The following ZNRF3 variants were observed in gnomAD, a reference collection of about 807,000 sequenced individuals.
The protein encoded by ZNRF3 is E3 ubiquitin-protein ligase ZNRF3.
A neutral mutation model predicts 72.5 loss-of-function variants in ZNRF3; 23 were observed. That is an observed-to-expected ratio of 0.32 (90% CI 0.23 to 0.45). ZNRF3 has a LOEUF of 0.45. ZNRF3 is among the 20% of genes least tolerant of loss of function. ZNRF3 has a pLI of 1.00. For synonymous variants in ZNRF3, 610 were observed against 545.3 expected (o/e 1.12, Z -1.65); for missense variants, 1,169 against 1,272.1 (o/e 0.92, Z 1.23).
At chr22:28,940,881 G>A (rs2034933357) in intron 1 of ZNRF3, among the ~76,000 whole-genome samples, 1 of 152,094 alleles carries the variant, frequency 6.6e-6, no homozygotes, top group African/African-American at 2.4e-5. Flanking sequence ...TGACCAAAAT[G>A]TTACAGAAAT....
intron 1 of ZNRF3, among the ~76,000 whole-genome samples, chr22:28,897,239 C>T (rs1442151189): frequency 6.6e-6 from 1 of 152,214 alleles, no homozygotes. Context: ...TCATTGTTGC[C>T]TCCGGGCGTG....
intron 1 of ZNRF3, among the ~76,000 whole-genome samples, chr22:28,968,200 T>C (rs2035509713): frequency 1.3e-5 from 2 of 152,350 alleles, no homozygotes; most frequent in South Asian, 4.1e-4. Flanking sequence ...TGTCTTCCAG[T>C]TCACTAATCC....
intron 1 of ZNRF3, among the ~76,000 whole-genome samples, chr22:28,916,369 A>AT (rs149495089): frequency 0.066 from 10,103 of 152,124 alleles, 422 homozygotes; most frequent in East Asian, 0.12. Flanking sequence ...TGAGATTTTT[A>AT]TTTTTTAAAT....
intron 1 of ZNRF3, among the ~76,000 whole-genome samples, chr22:28,926,805 A>T (rs1204115850): frequency 6.6e-6 from 1 of 151,406 alleles, no homozygotes; most frequent in Non-Finnish European, 1.5e-5. Context: ...CTCAAAAAAA[A>T]AAAAAAAAGA....
rs146786349 is a variant in ZNRF3 at position 28,894,557 on chromosome 22, G to A, written c.300+10491G>A. Reference sequence around the variant, plus strand: ...TCACGGTGGGGACCGCTGTGCTGTCGTCACACCCTGTGGCAGCAGATTGTT... The same window carrying A: ...TCACGGTGGGGACCGCTGTGCTGTCATCACACCCTGTGGCAGCAGATTGTT... On this transcript the variant is annotated intron_variant, in intron 1 of 8. Transcript: ENST00000544604. Among the ~76,000 whole-genome samples the A allele has an allele frequency of 2.6e-3, 397 of 152,212 alleles. 3 individuals are homozygous for A. The highest frequency in any genetic ancestry group is 8.9e-3 in the African/African-American group (370 of 41,542).
chr22:28,947,592 G>A (rs1424882050), intron 1 of ZNRF3, among the ~76,000 whole-genome samples: 2 of 152,070 alleles, frequency 1.3e-5, no homozygotes, highest in Non-Finnish European at 2.9e-5. Context: ...TGTGGTTTTG[G>A]TTTGCACTTC....
At chr22:29,033,471 G>A (rs2036803385) in intron 2 of ZNRF3, among the ~76,000 whole-genome samples, 1 of 151,938 alleles carries the variant, frequency 6.6e-6, no homozygotes, top group Non-Finnish European at 1.5e-5. Flanking sequence ...AGTCATTGGA[G>A]AAGGGTGGTG....
chr22:28,967,651 G>T (rs2035494610), intron 1 of ZNRF3, among the ~76,000 whole-genome samples: 1 of 152,090 alleles, frequency 6.6e-6, no homozygotes, highest in South Asian at 2.1e-4. Context: ...TTGAGGCTGG[G>T]TGCGGTGGCT....
intron 1 of ZNRF3, among the ~76,000 whole-genome samples, chr22:28,973,988 C>T (rs1601618098): frequency 7.8e-6 from 1 of 128,384 alleles, no homozygotes; most frequent in Non-Finnish European, 1.6e-5. Context: ...GACGGAGTCT[C>T]GCTTTGTCAC....
chr22:28,946,961 G>T (rs943374212), intron 1 of ZNRF3, among the ~76,000 whole-genome samples: 40 of 152,296 alleles, frequency 2.6e-4, no homozygotes, highest in Admixed American at 2.3e-3. Flanking sequence ...GGGGAGAAGA[G>T]AAATATAGCA....
At chr22:29,004,963 G>A (rs949074808) in intron 2 of ZNRF3, among the ~76,000 whole-genome samples, 1 of 152,218 alleles carries the variant, frequency 6.6e-6, no homozygotes, top group African/African-American at 2.4e-5. Flanking sequence ...CCAGGGAGCC[G>A]CTCAGTTCCT....
chr22:28,914,678 G>A (rs551313531), intron 1 of ZNRF3, among the ~76,000 whole-genome samples: 51 of 151,990 alleles, frequency 3.4e-4, no homozygotes, highest in African/African-American at 1.1e-3. Context: ...GCCAGGCATG[G>A]TGGTGCATGC....
At chr22:29,020,106 C>T (rs371145061) in intron 2 of ZNRF3, among the ~76,000 whole-genome samples, 7 of 151,876 alleles carry the variant, frequency 4.6e-5, no homozygotes, top group Non-Finnish European at 8.8e-5. Flanking sequence ...CACATCCTCC[C>T]GTATACTTTA....
intron 1 of ZNRF3, among the ~76,000 whole-genome samples, chr22:28,895,407 C>T (rs5752830): frequency 0.068 from 10,386 of 152,186 alleles, 452 homozygotes; most frequent in East Asian, 0.12. Flanking sequence ...CGGCCGGGCA[C>T]GGTGGCTCAC....
At chr22:28,884,249 C>G (rs1424978373) in intron 1 of ZNRF3, among the ~76,000 whole-genome samples, 183 bp downstream of exon 1, 1 of 151,832 alleles carries the variant, frequency 6.6e-6, no homozygotes, top group East Asian at 1.9e-4. Flanking sequence ...GGGGCGCATC[C>G]GCGGGGGGCG....
In ZNRF3 at chr22:28,967,306, G is replaced by A. The variant is rs2035486997; in HGVS notation, c.301-19770G>A. Among the ~76,000 whole-genome samples, 2 of 152,184 alleles carry A rather than the reference G, an allele frequency of 1.3e-5. 1 individual carries two copies. Among genetic ancestry groups the A allele is most frequent in the South Asian group, 4.2e-4 (2 of 4,818 alleles). ...CAGTAACATGCTGTACAAGTTTGTA[G>A]CCTCAGAGTCATAGGCTATACTGTA... On this transcript the variant is annotated intron_variant, in intron 1 of 8. Coordinates refer to ENST00000544604, the MANE Select transcript of ZNRF3 (RefSeq NM_001206998.2).
rs1190034413 is a variant in ZNRF3 at position 29,056,744 on chromosome 22, A to AG, written c.*3122_*3123insG. ...GAGTTCTAGAACCAGCTAAAAATGG[A>AG]AGTTTGGGTGTTTACCAACAAGGTA... On this transcript the variant is annotated 3_prime_UTR_variant, in exon 9 of 9. Coordinates refer to ENST00000544604, the MANE Select transcript of ZNRF3 (RefSeq NM_001206998.2). 3 of 152,190 alleles carry AG rather than the reference A, an allele frequency of 2.0e-5. No homozygotes were observed. The East Asian group carries it at 5.8e-4, about 29-fold the overall frequency. The allele number at this position is 152,190 out of a possible 1,614,324, so 9.4% of individuals were successfully genotyped here.
chr22:29,010,794 C>T (rs1245688378), intron 2 of ZNRF3, among the ~76,000 whole-genome samples: 2 of 152,194 alleles, frequency 1.3e-5, no homozygotes, highest in Admixed American at 6.5e-5. Context: ...TTCAACCTCC[C>T]AAGTAGCTGG....
rs1286032931 is a variant in ZNRF3, at chr22:28,884,011, C to T, written c.245C>T (p.Thr82Met). 6.9e-6 allele frequency: 9 copies of T among 1,298,350 alleles called. No individual in the cohort carries two copies. The highest frequency in any genetic ancestry group is 2.6e-4 in the Middle Eastern group (1 of 3,814). The allele number at this position is 1,298,350 out of a possible 1,614,324, so 80.4% of individuals were successfully genotyped here. The change falls in exon 1 of 9, where the codon ACG becomes ATG. Residue 82 changes from threonine to methionine, a missense_variant. Coordinates refer to ENST00000544604, the MANE Select transcript of ZNRF3 (RefSeq NM_001206998.2). Reference sequence around the variant, plus strand: ...TACACCACCTACACCACCGGCCTCACGGGCCGCTTCTCGCGGGCCGGGGCC... The same window carrying T: ...TACACCACCTACACCACCGGCCTCATGGGCCGCTTCTCGCGGGCCGGGGCC... ...GDYTTYTTGL[T>M]GRFSRAGATL...
Sources: allele counts gnomAD v4.1 joint callset (sites outside exome capture counted in the v4.1 genomes callset), GRCh38; gene constraint gnomAD v4.1.1; transcripts MANE v1.5; gene names NCBI Gene and HGNC (gene_info 2026-07-23, HGNC 2026-07-21).